PTBP2: variants seen among roughly 807,000 people sequenced by gnomAD.
PTBP2 encodes the protein polypyrimidine tract binding protein 2.
A neutral mutation model predicts 61.4 loss-of-function variants in PTBP2; 13 were observed. The observed-to-expected ratio is 0.21, with a 90% CI of 0.14 to 0.34. The LOEUF is 0.34. PTBP2 is among the 10% of genes least tolerant of loss of function. PTBP2 has a pLI of 1.00. For missense variants in PTBP2, 405 were observed against 642.6 expected, an observed-to-expected ratio of 0.63 and a Z score of 4.00; for synonymous variants, 215 against 218.5, an observed-to-expected ratio of 0.98 and a Z score of 0.14.
chr1:96,761,129 A>C (rs1345627012), intron 3 of PTBP2, among the ~76,000 whole-genome samples: 1 of 152,208 alleles, frequency 6.6e-6, no homozygotes, highest in Non-Finnish European at 1.5e-5. Context: ...AGAATGTTGG[A>C]GATTAACAGA....
chr1:96,750,683 T>G (rs1227306020), intron 2 of PTBP2, among the ~76,000 whole-genome samples: 2 of 152,080 alleles, frequency 1.3e-5, no homozygotes, highest in African/African-American at 4.8e-5. Context: ...ATTTAACCTA[T>G]TTTCAATACT....
At chr1:96,758,503 T>C (rs2100947303) in intron 3 of PTBP2, among the ~76,000 whole-genome samples, 1 of 152,122 alleles carries the variant, frequency 6.6e-6, no homozygotes, top group Non-Finnish European at 1.5e-5. Context: ...CTTAAGAAAA[T>C]GTTGGTAAAT....
intron 2 of PTBP2, among the ~76,000 whole-genome samples, chr1:96,737,881 C>T (rs965035609): frequency 6.6e-6 from 1 of 151,928 alleles, no homozygotes; most frequent in East Asian, 1.9e-4. Context: ...GTTGTAGTAA[C>T]GTTTCTTTTT....
chr1:96,752,036 C>T (rs1654613014), intron 3 of PTBP2, among the ~76,000 whole-genome samples: 1 of 151,764 alleles, frequency 6.6e-6, no homozygotes, highest in Admixed American at 6.6e-5. Flanking sequence ...TTTTAATCTT[C>T]AAAGTTAGAG....
chr1:96,726,074 CAAAAAAAAAAAAAAAAAAAA>C (rs762152365), intron 2 of PTBP2, among the ~76,000 whole-genome samples: 59 of 54,216 alleles, frequency 1.1e-3, no homozygotes, highest in East Asian at 1.7e-3. Context: ...GACTCTATCT[CAAAAAAAAAAAAAAAAAAAA>C]AAAAAAAAAA....
rs1484998722 is a variant in PTBP2, at chr1:96,791,837, T to G, written c.904+6583T>G. Among the ~76,000 whole-genome samples, 6 of 136,860 alleles carry G rather than the reference T, an allele frequency of 4.4e-5. 1 individual carries two copies. Among genetic ancestry groups the G allele is most frequent in the Admixed American group, 2.9e-4 (4 of 13,920 alleles). 89.8% of individuals were successfully genotyped at this position (136,860 alleles called of 152,430 possible). A position where few individuals can be genotyped will look rare whatever the true frequency, so the allele number is the denominator to read the frequency against. The stretch of plus-strand genomic sequence containing the variant: ...TGCTTGGAGTTGTGCTTTTTTTTTT[T>G]TTTTTTTTTTTTGAGATAGAGTCTG... On this transcript the variant is annotated intron_variant, in intron 8 of 13. Coordinates refer to ENST00000674951, the MANE Select transcript of PTBP2 (RefSeq NM_021190.4).
chr1:96,764,131 CTG>C (rs1247754637), intron 3 of PTBP2, among the ~76,000 whole-genome samples: 1 of 152,156 alleles, frequency 6.6e-6, no homozygotes, highest in Non-Finnish European at 1.5e-5. Context: ...TTTCCCTTAT[CTG>C]TGCAGACTTT....
chr1:96,797,750 A>G (rs1045585854), intron 8 of PTBP2, among the ~76,000 whole-genome samples: 1 of 152,220 alleles, frequency 6.6e-6, no homozygotes, highest in Non-Finnish European at 1.5e-5. Context: ...ATTACCCAGT[A>G]CAATATAAAT....
At chr1:96,768,046 A>G (rs1408838561) in intron 3 of PTBP2, among the ~76,000 whole-genome samples, 1 of 152,132 alleles carries the variant, frequency 6.6e-6, no homozygotes, top group Non-Finnish European at 1.5e-5. Flanking sequence ...GCTTGAGTCC[A>G]TATATTATCA....
At chr1:96,773,485 T>A (rs1657625627) in intron 5 of PTBP2, among the ~76,000 whole-genome samples, 1 of 152,142 alleles carries the variant, frequency 6.6e-6, no homozygotes. Context: ...GTGTTAGCAT[T>A]TATGTTTATC....
intron 8 of PTBP2, 30 bp downstream of exon 8, chr1:96,785,284 C>T: frequency 6.7e-7 from 1 of 1,491,536 alleles, no homozygotes; most frequent in Non-Finnish European, 8.9e-7. Context: ...AACCACTTTT[C>T]TCCCATTTTG....
At chr1:96,777,797 T>C (rs376835283) in intron 6 of PTBP2, 39 bp from the exon 7 acceptor site, 41 of 1,531,360 alleles carry the variant, frequency 2.7e-5, no homozygotes, top group African/African-American at 2.5e-4. Flanking sequence ...AATAATAATA[T>C]AGTAAATAAG....
chr1:96,791,826 C>CTTTTTTTTGTTTTTTTTTTGTTTTT (rs1482989030), intron 8 of PTBP2, among the ~76,000 whole-genome samples: 6 of 66,126 alleles, frequency 9.1e-5, no homozygotes, highest in African/African-American at 2.5e-4. Context: ...TGGAGTTGTG[C>CTTTTTTTTGTTTTTTTTTTGTTTTT]TTTTTTTTTT....
chr1:96,721,789 C>T lies in PTBP2; in HGVS notation c.-76C>T, dbSNP rs1402347466. ...GGCAATTTCCGTCGGGCCCCAGCCG[C>T]CATTTTCTCGCCGCTTGTGTGGCTC... On this transcript the variant is annotated 5_prime_UTR_variant, in exon 1 of 14. Transcript: ENST00000674951. The T allele has an allele frequency of 3.2e-6, 5 of 1,544,054 alleles. No individual in the cohort carries two copies. In the Admixed American group the frequency reaches 5.9e-5, roughly 18 times the overall value.
At chr1:96,744,876 G>A (rs553258196) in intron 2 of PTBP2, among the ~76,000 whole-genome samples, 3 of 152,138 alleles carry the variant, frequency 2.0e-5, no homozygotes, top group African/African-American at 4.8e-5. Context: ...TTACTTAAAT[G>A]TCTTATTTAA....
At chr1:96,750,368 G>C (rs1356668454) in intron 2 of PTBP2, among the ~76,000 whole-genome samples, 1 of 151,116 alleles carries the variant, frequency 6.6e-6, no homozygotes, top group Non-Finnish European at 1.5e-5. Context: ...TATCAATGTG[G>C]CTTGAAACTG....
chr1:96,812,949 G>A, intron 12 of PTBP2, 21 bp downstream of exon 12: 2 of 1,593,934 alleles, frequency 1.3e-6, no homozygotes, highest in Non-Finnish European at 1.7e-6. Context: ...AAGCTAGAGT[G>A]TATTGAGATA....
At chr1:96,722,865 TC>T (rs1649812455) in intron 1 of PTBP2, among the ~76,000 whole-genome samples, 1 of 152,120 alleles carries the variant, frequency 6.6e-6, no homozygotes, top group Admixed American at 6.5e-5. Flanking sequence ...CTGAAAAGAC[TC>T]AGTAATTTAA....
chr1:96,792,289 A>G (rs1186513132), intron 8 of PTBP2, among the ~76,000 whole-genome samples: 2 of 152,212 alleles, frequency 1.3e-5, no homozygotes, highest in African/African-American at 4.8e-5. Context: ...CACTGTTCTT[A>G]GCCCTTTACA....
Sources: allele counts gnomAD v4.1 joint callset (sites outside exome capture counted in the v4.1 genomes callset), GRCh38; gene constraint gnomAD v4.1.1; transcripts MANE v1.5; gene names NCBI Gene and HGNC (gene_info 2026-07-23, HGNC 2026-07-21).